Variants in OPCML observed in about 807,000 individuals in gnomAD.
OPCML encodes opioid-binding protein/cell adhesion molecule.
A neutral mutation model predicts 37.8 loss-of-function variants in OPCML; 13 were observed. That is an observed-to-expected ratio of 0.34 (90% CI 0.22 to 0.55). OPCML has a LOEUF of 0.55. Among genes scored for constraint, OPCML ranks in the 20% least tolerant of loss-of-function variants. The pLI is 0.91. For missense variants in OPCML, 341 were observed against 435.6 expected, an observed-to-expected ratio of 0.78 and a Z score of 1.93; for synonymous variants, 176 against 168.8, an observed-to-expected ratio of 1.04 and a Z score of -0.33.
chr11:133,528,817 G>C (rs1483641298), intron 1 of OPCML, among the ~76,000 whole-genome samples: 1 of 152,198 alleles, frequency 6.6e-6, no homozygotes, highest in South Asian at 2.1e-4. Flanking sequence ...ACCCCTCCCA[G>C]CTAACTCCCC....
intron 1 of OPCML, among the ~76,000 whole-genome samples, chr11:133,020,401 A>G (rs566644608): frequency 6.6e-6 from 1 of 152,280 alleles, no homozygotes; most frequent in Non-Finnish European, 1.5e-5. Flanking sequence ...AACCCCTCTG[A>G]ATATCTTTAA....
intron 2 of OPCML, among the ~76,000 whole-genome samples, chr11:132,704,170 A>G (rs1277984250): frequency 6.6e-6 from 1 of 152,206 alleles, no homozygotes; most frequent in South Asian, 2.1e-4. Flanking sequence ...TTGTGTCTAC[A>G]GGAACCTAAA....
Position 133,044,549 on chromosome 11 carries a change from G to T in OPCML, c.62-101539C>A, listed in dbSNP as rs191940141. On this transcript the variant is annotated intron_variant, in intron 1 of 7. Coordinates refer to ENST00000524381, the MANE Select transcript of OPCML (RefSeq NM_001012393.5). ...AGAGGCCGAGGGCGAGCAGCCAGAG[G>T]TTAAGAAGAAGCCGTATTTATTGAA... Among the ~76,000 whole-genome samples, 572 of 152,304 alleles carry T rather than the reference G, an allele frequency of 3.8e-3. 2 individuals carry two copies. Among genetic ancestry groups the T allele is most frequent in the Non-Finnish European group, 5.7e-3 (385 of 68,012 alleles).
intron 4 of OPCML, among the ~76,000 whole-genome samples, chr11:132,466,499 A>T (rs1177541276): frequency 6.6e-6 from 1 of 151,210 alleles, no homozygotes; most frequent in African/African-American, 2.5e-5. Flanking sequence ...AAAAAAAAAA[A>T]GCTTGCTTCA....
chr11:132,574,458 A>G (rs532886951), intron 3 of OPCML, among the ~76,000 whole-genome samples: 1 of 151,586 alleles, frequency 6.6e-6, no homozygotes, highest in East Asian at 1.9e-4. Flanking sequence ...TGTATATCGT[A>G]TCTTTGTTTT....
intron 1 of OPCML, among the ~76,000 whole-genome samples, chr11:133,106,690 A>T (rs1172118281): frequency 6.6e-6 from 1 of 152,250 alleles, no homozygotes; most frequent in Non-Finnish European, 1.5e-5. Flanking sequence ...CATATCCAGG[A>T]CCAGACAATA....
chr11:133,077,160 G>C (rs1948633592), intron 1 of OPCML, among the ~76,000 whole-genome samples: 1 of 151,980 alleles, frequency 6.6e-6, no homozygotes, highest in African/African-American at 2.4e-5. Context: ...TTATGGCTCT[G>C]TGAGCTCATT....
intron 2 of OPCML, among the ~76,000 whole-genome samples, chr11:132,701,819 CTT>C (rs60055469): frequency 2.1e-5 from 3 of 143,568 alleles, no homozygotes; most frequent in Non-Finnish European, 3.0e-5. Context: ...GTGTGCTTTC[CTT>C]TTTTTTTTAT....
At chr11:132,637,257 C>G (rs1187449487) in intron 3 of OPCML, among the ~76,000 whole-genome samples, 1 of 151,850 alleles carries the variant, frequency 6.6e-6, no homozygotes, top group African/African-American at 2.4e-5. Context: ...TCCCTATTTC[C>G]ACCGTTTTTT....
intron 1 of OPCML, among the ~76,000 whole-genome samples, chr11:133,026,880 T>C (rs117970255): frequency 0.012 from 1,756 of 152,334 alleles, 14 homozygotes; most frequent in Non-Finnish European, 0.017. Flanking sequence ...TGGATACATA[T>C]GTTAGAGTGT....
chr11:132,749,493 C>A (rs1945758343), intron 2 of OPCML, among the ~76,000 whole-genome samples: 1 of 152,060 alleles, frequency 6.6e-6, no homozygotes, highest in Admixed American at 6.6e-5. Context: ...TAGTTTTTGA[C>A]AAGTTAAGTT....
intron 1 of OPCML, among the ~76,000 whole-genome samples, chr11:133,105,006 T>C (rs1184156265): frequency 6.6e-6 from 1 of 152,218 alleles, no homozygotes; most frequent in African/African-American, 2.4e-5. Context: ...GTACAAATTA[T>C]GTGTTATAGA....
chr11:132,684,532 T>G (rs1943086110), intron 2 of OPCML, among the ~76,000 whole-genome samples: 1 of 152,206 alleles, frequency 6.6e-6, no homozygotes, highest in Non-Finnish European at 1.5e-5. Context: ...ATTCCTTTGT[T>G]GGCTTTTATG....
At chr11:133,070,662 GTTT>G (rs1362299686) in intron 1 of OPCML, among the ~76,000 whole-genome samples, 2 of 152,154 alleles carry the variant, frequency 1.3e-5, no homozygotes, top group Admixed American at 1.3e-4. Context: ...AATCCAAGTT[GTTT>G]ATTAGCAGTT....
intron 1 of OPCML, among the ~76,000 whole-genome samples, chr11:133,291,306 G>A (rs1942464956): frequency 6.6e-6 from 1 of 152,198 alleles, no homozygotes; most frequent in Non-Finnish European, 1.5e-5. Flanking sequence ...GCTTCATGGG[G>A]TGTCTGTCGG....
intron 2 of OPCML, among the ~76,000 whole-genome samples, chr11:132,850,295 C>T (rs754196076): frequency 1.5e-4 from 23 of 152,254 alleles, no homozygotes; most frequent in Middle Eastern, 3.4e-3. Context: ...ACCAATCAGG[C>T]GCCATGTAAC....
chr11:132,459,875 C>G (rs1035396895), intron 4 of OPCML, among the ~76,000 whole-genome samples: 1 of 152,164 alleles, frequency 6.6e-6, no homozygotes, highest in Admixed American at 6.5e-5. Flanking sequence ...AGCTCAAATT[C>G]CATTTTTAGC....
chr11:132,562,744 A>T (rs2096413335), intron 3 of OPCML, among the ~76,000 whole-genome samples: 1 of 152,040 alleles, frequency 6.6e-6, no homozygotes, highest in South Asian at 2.1e-4. Context: ...AAGCAGAACG[A>T]TGCTATCTGG....
intron 4 of OPCML, among the ~76,000 whole-genome samples, chr11:132,484,893 G>A (rs2096194352): frequency 6.6e-6 from 1 of 152,168 alleles, no homozygotes; most frequent in African/African-American, 2.4e-5. Flanking sequence ...ACAGGAAGGG[G>A]AACATCACAC....
Sources: allele counts gnomAD v4.1 joint callset (sites outside exome capture counted in the v4.1 genomes callset), GRCh38; gene constraint gnomAD v4.1.1; transcripts MANE v1.5; gene names NCBI Gene and HGNC (gene_info 2026-07-23, HGNC 2026-07-21).